The following FAAH2 variants were observed in gnomAD, a reference collection of about 807,000 sequenced individuals.
FAAH2 encodes the protein fatty-acid amide hydrolase 2.
Under a neutral mutation model 36.9 loss-of-function variants are expected in FAAH2, and 60 were observed. That is an observed-to-expected ratio of 1.63 (90% CI 1.32 to 2.02). The LOEUF (loss-of-function observed/expected upper bound fraction) is 2.02, where lower values mean the gene tolerates loss of function less well. Ranked by LOEUF, FAAH2 falls within the 30% of genes most tolerant of loss-of-function variation. FAAH2 has a pLI of 0.00. For synonymous variants in FAAH2, 214 were observed against 143.8 expected (o/e 1.49, Z -3.49); for missense variants, 689 against 397.5 (o/e 1.73, Z -6.23).
At chrX:57,483,400 C>T (rs1326277442) in intron 10 of FAAH2, among the ~76,000 whole-genome samples, 1 of 110,580 alleles carries the variant, frequency 9.0e-6, no homozygotes, top group African/African-American at 3.3e-5. Context: ...TTATCTCTTC[C>T]TTCATATCCT....
At chrX:57,219,863 CTTTTTT>C in the FAAH2 span, among the ~76,000 whole-genome samples, 12 of 35,640 alleles carry the variant, frequency 3.4e-4, no homozygotes, top group African/African-American at 1.4e-3. Context: ...AGCGCCTTGT[CTTTTTT>C]TTTTTTTTTT....
chrX:57,139,154 CAA>C, the FAAH2 span, among the ~76,000 whole-genome samples: 1 of 111,914 alleles, frequency 8.9e-6, no homozygotes, highest in Non-Finnish European at 1.9e-5. Context: ...AGCTTTTTCC[CAA>C]AGTTTTCTTC....
At chrX:57,313,024 G>A (rs2052738681) in intron 3 of FAAH2, among the ~76,000 whole-genome samples, 1 of 110,865 alleles carries the variant, frequency 9.0e-6, no homozygotes, top group Non-Finnish European at 1.9e-5. Context: ...AGAAAAAATG[G>A]GCATTTTAGG....
rs765175452 is a variant in FAAH2, at chrX:57,303,977, C to G, written c.276-6616C>G. Among the ~76,000 whole-genome samples the G allele has an allele frequency of 2.7e-5, 3 of 111,387 alleles. No homozygotes were observed. The South Asian group carries it at 1.1e-3, about 42-fold the overall frequency. ...ATCCCAGCACTTTGAGAGGCTGAGG[C>G]GGGCAGATTACCTGAGGTCAGGAGT... On this transcript the variant is annotated intron_variant, in intron 2 of 10. Coordinates refer to ENST00000374900, the MANE Select transcript of FAAH2 (RefSeq NM_174912.4).
the FAAH2 span, among the ~76,000 whole-genome samples, chrX:57,170,445 T>G: frequency 9.0e-6 from 1 of 111,491 alleles, no homozygotes; most frequent in Non-Finnish European, 1.9e-5. Flanking sequence ...TTTAATTTTT[T>G]TATTTTGGTA....
intron 10 of FAAH2, among the ~76,000 whole-genome samples, chrX:57,475,983 G>A (rs2057259308): frequency 9.0e-6 from 1 of 111,041 alleles, no homozygotes. Flanking sequence ...ATCATGATTT[G>A]GCTGTCTGCT....
chrX:57,245,544 G>T, the FAAH2 span, among the ~76,000 whole-genome samples: 9 of 112,141 alleles, frequency 8.0e-5, no homozygotes, highest in African/African-American at 2.9e-4. Flanking sequence ...AGACAACAGG[G>T]TAATCAAATT....
chrX:57,474,899 G>A (rs897132618), intron 10 of FAAH2, among the ~76,000 whole-genome samples: 9 of 111,765 alleles, frequency 8.1e-5, no homozygotes, highest in Non-Finnish European at 1.3e-4. Context: ...TCTAACTGGC[G>A]TGAGATGGTA....
chrX:57,218,245 G>C, the FAAH2 span, among the ~76,000 whole-genome samples: 1 of 111,733 alleles, frequency 8.9e-6, no homozygotes, highest in Non-Finnish European at 1.9e-5. Flanking sequence ...ATGAAGAGGA[G>C]TGGTGATATA....
the FAAH2 span, among the ~76,000 whole-genome samples, chrX:57,280,092 G>T: frequency 8.9e-5 from 10 of 111,751 alleles, no homozygotes; most frequent in South Asian, 3.3e-3. Flanking sequence ...AAATAATTGA[G>T]GGCTTATGTA....
At chrX:57,190,040 T>A in the FAAH2 span, among the ~76,000 whole-genome samples, 3 of 111,761 alleles carry the variant, frequency 2.7e-5, no homozygotes, top group South Asian at 1.1e-3. Context: ...CACAGGGAGA[T>A]GTGAGTTTTA....
Position 57,489,042 on chromosome X carries a change from A to T in FAAH2, c.*110A>T. 1 of 777,853 alleles carries T rather than the reference A, an allele frequency of 1.3e-6. No homozygotes were observed. The highest frequency in any genetic ancestry group is 1.8e-6 in the Non-Finnish European group (1 of 560,574). 64.1% of individuals were successfully genotyped at this position (777,853 alleles called of 1,213,427 possible). A position where few individuals can be genotyped will look rare whatever the true frequency, so the allele number is the denominator to read the frequency against. On this transcript the variant is annotated 3_prime_UTR_variant, in exon 11 of 11. Coordinates refer to ENST00000374900, the MANE Select transcript of FAAH2 (RefSeq NM_174912.4). ...CAGACAAGCAGAGAAACAACTGGGG[A>T]ATTTATTGACTCATTTAGTTATTCT... is the stretch of plus-strand genomic sequence containing the variant.
the FAAH2 span, among the ~76,000 whole-genome samples, chrX:57,281,035 G>C: frequency 8.9e-6 from 1 of 112,111 alleles, no homozygotes; most frequent in East Asian, 2.8e-4. Flanking sequence ...TACAAATGGA[G>C]AACAGATTGG....
chrX:57,239,110 C>G, the FAAH2 span, among the ~76,000 whole-genome samples: 2 of 111,684 alleles, frequency 1.8e-5, no homozygotes, highest in African/African-American at 6.5e-5. Context: ...GATTCCATGT[C>G]TTTGCTATTG....
At chrX:57,379,545 T>A (rs5914998) in intron 6 of FAAH2, among the ~76,000 whole-genome samples, 1,140 of 70,405 alleles carry the variant, frequency 0.016, 15 homozygotes, top group African/African-American at 0.063. Context: ...TCTCTCTCTC[T>A]CACACACACA....
chrX:57,217,194 A>G, the FAAH2 span, among the ~76,000 whole-genome samples: 186 of 69,137 alleles, frequency 2.7e-3, 1 homozygote, highest in African/African-American at 9.7e-3. Context: ...TGTCAGATGT[A>G]TAGATTGTGA....
At chrX:57,333,565 G>A (rs2053463017) in intron 4 of FAAH2, among the ~76,000 whole-genome samples, 2 of 105,624 alleles carry the variant, frequency 1.9e-5, no homozygotes, top group East Asian at 6.0e-4. Context: ...GAAGACAGAT[G>A]GGAACTTCAA....
Position 57,367,047 on chromosome X carries a change from T to A in FAAH2, c.743-11604T>A, listed in dbSNP as rs189333024. Among the ~76,000 whole-genome samples the A allele has an allele frequency of 3.9e-3, 437 of 112,469 alleles. 2 individuals are homozygous for A. Among genetic ancestry groups the A allele is most frequent in the African/African-American group, 0.014 (421 of 31,007 alleles). On this transcript the variant is annotated intron_variant, in intron 5 of 10. Coordinates refer to ENST00000374900, the MANE Select transcript of FAAH2 (RefSeq NM_174912.4). ...TTGCTAGCTCAGGTGTACGTGGTGGTTGTGTGTCAAATGTCTTTTCCTATA... is the reference window on the plus strand; with the variant it reads ...TTGCTAGCTCAGGTGTACGTGGTGGATGTGTGTCAAATGTCTTTTCCTATA...
intron 8 of FAAH2, among the ~76,000 whole-genome samples, chrX:57,444,253 C>G (rs916802060): frequency 7.1e-5 from 8 of 112,270 alleles, no homozygotes; most frequent in Non-Finnish European, 1.1e-4. Context: ...GTGGTGGGCT[C>G]TATCCAGTTT....
Sources: allele counts gnomAD v4.1 joint callset (sites outside exome capture counted in the v4.1 genomes callset), GRCh38; gene constraint gnomAD v4.1.1; transcripts MANE v1.5; gene names NCBI Gene and HGNC (gene_info 2026-07-23, HGNC 2026-07-21).